The following RNF144B variants were observed in gnomAD, a reference collection of about 807,000 sequenced individuals.
RNF144B encodes the protein ring finger protein 144B.
A neutral mutation model predicts 40.2 loss-of-function variants in RNF144B; 25 were observed. The observed-to-expected ratio is 0.62, with a 90% confidence interval of 0.45 to 0.87. The LOEUF (loss-of-function observed/expected upper bound fraction) is 0.87. Ranked by LOEUF, RNF144B falls within the 40% of genes least tolerant of loss-of-function variation. The pLI is 0.00. For missense variants in RNF144B, 365 were observed against 373.7 expected (o/e 0.98, Z 0.19); for synonymous variants, 145 against 136.3 (o/e 1.06, Z -0.44).
chr6:18,446,840 G>GGTGTGTGTGTGTGTGTGTGTGTGTGTGT lies in RNF144B; in HGVS notation c.331+7103_331+7130dup, dbSNP rs70974744. Among the ~76,000 whole-genome samples, 1 of 147,892 alleles carries GGTGTGTGTGTGTGTGTGTGTGTGTGTGT rather than the reference G, an allele frequency of 6.8e-6. No individual in the cohort carries two copies. The highest frequency in any genetic ancestry group is 2.5e-5 in the African/African-American group (1 of 39,894). ...TAAAGTTTTATTGGTTCTATTTTAG[G>GGTGTGTGTGTGTGTGTGTGTGTGTGTGT]GTGTGTGTGTGTGTGTGTGTGTGTG... On this transcript the variant is annotated intron_variant, in intron 4 of 7. Coordinates refer to ENST00000259939, the MANE Select transcript of RNF144B (RefSeq NM_182757.4). This position sits in a 1 kb window ranked among gnomAD's most constrained non-coding sequence, Gnocchi z 4.7.
chr6:18,419,740 A>G lies in RNF144B; in HGVS notation c.166-7841A>G, dbSNP rs1795218615. 6.6e-6 allele frequency among the ~76,000 whole-genome samples: 1 copy of G among 152,160 alleles called. No homozygotes were observed. Among genetic ancestry groups the G allele is most frequent in the Admixed American group, 6.6e-5 (1 of 15,262 alleles). ...GATTGGTGAAGGAGTGAGGGAAGAC[A>G]ACTCTTTCAAACATTTGATTGTGAA... On this transcript the variant is annotated intron_variant, in intron 2 of 7. Coordinates refer to ENST00000259939, the MANE Select transcript of RNF144B (RefSeq NM_182757.4). The surrounding 1 kb of genome is among the most constrained non-coding windows in gnomAD (Gnocchi z 4.6).
intron 2 of RNF144B, among the ~76,000 whole-genome samples, chr6:18,426,262 A>G (rs936812041): frequency 5.3e-5 from 8 of 152,224 alleles, no homozygotes; most frequent in African/African-American, 1.9e-4. Flanking sequence ...CCACTTTGTA[A>G]GAGTCGTTGC....
At position 18,387,512 on chromosome 6, in the gene RNF144B, A is replaced by C; in HGVS notation, c.-155A>C. 1 of 1,312,864 alleles carries C rather than the reference A, an allele frequency of 7.6e-7. No individual in the cohort carries two copies. Among genetic ancestry groups the C allele is most frequent in the Non-Finnish European group, 1.0e-6 (1 of 1,002,660 alleles). The allele number at this position is 1,312,864 out of a possible 1,614,324, so 81.3% of individuals were successfully genotyped here. ...TAAAGCTGTCAGCCGCAGAGCACGGAGGAAAGACGGAGAGAATGGAAGAGC... is the reference window on the plus strand; with the variant it reads ...TAAAGCTGTCAGCCGCAGAGCACGGCGGAAAGACGGAGAGAATGGAAGAGC... On this transcript the variant is annotated 5_prime_UTR_variant, in exon 1 of 8. Transcript: ENST00000259939.
At chr6:18,392,836 C>T (rs1395087365) in intron 1 of RNF144B, among the ~76,000 whole-genome samples, 2 of 152,046 alleles carry the variant, frequency 1.3e-5, no homozygotes, top group Non-Finnish European at 2.9e-5. Flanking sequence ...ATAATGACAA[C>T]TTATGTGTAA....
At chr6:18,407,978 C>CTTTTTT (rs869172320) in intron 2 of RNF144B, among the ~76,000 whole-genome samples, 1 of 82,970 alleles carries the variant, frequency 1.2e-5, no homozygotes, top group African/African-American at 4.4e-5. Flanking sequence ...TTCTTTCTTT[C>CTTTTTT]TTTTTCTTTT....
rs570681471 is a variant in RNF144B, at chr6:18,443,168, T to C, written c.331+3424T>C. ...ATCTTACTGTCATAAAGTATTGCAG[T>C]GTATTAAATTTAGTGGCCTTTTGAT... On this transcript the variant is annotated intron_variant, in intron 4 of 7. Transcript: ENST00000259939. The surrounding 1 kb of genome is among the most constrained non-coding windows in gnomAD (Gnocchi z 4.7). 6.6e-6 allele frequency among the ~76,000 whole-genome samples: 1 copy of C among 152,230 alleles called. No homozygotes were observed. Among genetic ancestry groups the C allele is most frequent in the Non-Finnish European group, 1.5e-5 (1 of 68,044 alleles).
rs1795007482 is a variant in RNF144B at position 18,410,284 on chromosome 6, A to C, written c.165+10585A>C. 6.6e-6 allele frequency among the ~76,000 whole-genome samples: 1 copy of C among 152,156 alleles called. No homozygotes were observed. Among genetic ancestry groups the C allele is most frequent in the African/African-American group, 2.4e-5 (1 of 41,422 alleles). ...AGACTCTACTGATCCATTTGGTACT[A>C]GTGTGTGCCAGGCATGGTGTTAATT... On this transcript the variant is annotated intron_variant, in intron 2 of 7. Coordinates refer to ENST00000259939, the MANE Select transcript of RNF144B (RefSeq NM_182757.4). The surrounding 1 kb of genome is among the most constrained non-coding windows in gnomAD (Gnocchi z 4.6).
chr6:18,392,645 C>G (rs546093982), intron 1 of RNF144B, among the ~76,000 whole-genome samples: 1 of 152,070 alleles, frequency 6.6e-6, no homozygotes, highest in Non-Finnish European at 1.5e-5. Flanking sequence ...GCACTTTAAG[C>G]CATGAAACAG....
intron 2 of RNF144B, among the ~76,000 whole-genome samples, chr6:18,404,995 A>G (rs1006967998): frequency 3.3e-5 from 5 of 152,190 alleles, no homozygotes; most frequent in African/African-American, 1.2e-4. Flanking sequence ...AGACCTGCCA[A>G]CCTTTCCCAA....
At position 18,418,247 on chromosome 6, in the gene RNF144B, C is replaced by T. The variant is rs146519581; in HGVS notation, c.166-9334C>T. Among the ~76,000 whole-genome samples the T allele has an allele frequency of 9.1e-3, 1,381 of 152,196 alleles. 9 individuals carry two copies. Among genetic ancestry groups the T allele is most frequent in the Non-Finnish European group, 0.016 (1,081 of 68,002 alleles). The stretch of plus-strand genomic sequence containing the variant: ...CTCCTAGGTAAATATCCAAGAGAAA[C>T]GAAAATGTATGTCCACATGAAAACT... On this transcript the variant is annotated intron_variant, in intron 2 of 7. Coordinates refer to ENST00000259939, the MANE Select transcript of RNF144B (RefSeq NM_182757.4). This position sits in a 1 kb window ranked among gnomAD's most constrained non-coding sequence, Gnocchi z 5.2.
At chr6:18,389,071 G>A (rs754486727) in intron 1 of RNF144B, among the ~76,000 whole-genome samples, 1 of 151,980 alleles carries the variant, frequency 6.6e-6, no homozygotes, top group African/African-American at 2.4e-5. Flanking sequence ...GCTGGAAGTC[G>A]GGCTTGAGTG....
rs71536790 is a variant in RNF144B, at chr6:18,405,150, T to TTTATTATTATTATTATTATTA, written c.165+5457_165+5477dup. 3.7e-4 allele frequency among the ~76,000 whole-genome samples: 54 copies of TTTATTATTATTATTATTATTA among 146,240 alleles called. No homozygotes were observed. Among genetic ancestry groups the TTTATTATTATTATTATTATTA allele is most frequent in the African/African-American group, 1.2e-3 (46 of 39,848 alleles). On this transcript the variant is annotated intron_variant, in intron 2 of 7. Coordinates refer to ENST00000259939, the MANE Select transcript of RNF144B (RefSeq NM_182757.4). This position sits in a 1 kb window ranked among gnomAD's most constrained non-coding sequence, Gnocchi z 4.5. ...CTTGCTTGCAAGGTTAGTTTTTTTC[T>TTTATTATTATTATTATTATTA]TTATTATTATTATTATTATTATTAT...
intron 3 of RNF144B, among the ~76,000 whole-genome samples, chr6:18,438,767 A>G (rs1336050378): frequency 1.3e-5 from 2 of 152,110 alleles, no homozygotes; most frequent in Non-Finnish European, 2.9e-5. Context: ...TTAGAGTTGG[A>G]GTTGTCAGGG....
chr6:18,404,276 A>G (rs1001595711), intron 2 of RNF144B, among the ~76,000 whole-genome samples: 2 of 152,222 alleles, frequency 1.3e-5, no homozygotes, highest in Admixed American at 6.5e-5. Flanking sequence ...TCTCCCTTGC[A>G]GTATAGCATA....
intron 2 of RNF144B, among the ~76,000 whole-genome samples, chr6:18,413,511 A>G (rs1414292152): frequency 1.3e-5 from 2 of 152,220 alleles, no homozygotes; most frequent in Admixed American, 1.3e-4. Flanking sequence ...GATTTCGGGT[A>G]AGTTATTTGA....
At chr6:18,436,952 A>G (rs1212131495) in intron 3 of RNF144B, among the ~76,000 whole-genome samples, 1 of 152,018 alleles carries the variant, frequency 6.6e-6, no homozygotes, top group Non-Finnish European at 1.5e-5. Context: ...TATAATAGAA[A>G]TATTTCAGAA....
At chr6:18,438,973 G>C (rs1198454025) in intron 3 of RNF144B, among the ~76,000 whole-genome samples, 1 of 152,138 alleles carries the variant, frequency 6.6e-6, no homozygotes, top group East Asian at 1.9e-4. Flanking sequence ...AGAGCAGTTA[G>C]CTTTTCCTGC....
intron 2 of RNF144B, among the ~76,000 whole-genome samples, chr6:18,421,132 G>A (rs1758406034): frequency 6.6e-6 from 1 of 151,656 alleles, no homozygotes; most frequent in South Asian, 2.1e-4. Flanking sequence ...GCGCACCTGT[G>A]GTCCCAGCTA....
rs1435859673 is a variant in RNF144B at position 18,459,502 on chromosome 6, A to C, written c.537-105A>C. The C allele has an allele frequency of 3.5e-6, 4 of 1,146,702 alleles. No homozygotes were observed. The African/African-American group carries it at 6.2e-5, about 18-fold the overall frequency. 71.0% of individuals were successfully genotyped at this position (1,146,702 alleles called of 1,614,324 possible). ...CCCACACCCTTTCTTTTGGAAGTGA[A>C]TTAAGCATGGATAACTGTGAGTTCA... On this transcript the variant is annotated intron_variant, in intron 5 of 7. Coordinates refer to ENST00000259939, the MANE Select transcript of RNF144B (RefSeq NM_182757.4). The surrounding 1 kb of genome is among the most constrained non-coding windows in gnomAD (Gnocchi z 4.2).
Sources: allele counts gnomAD v4.1 joint callset (sites outside exome capture counted in the v4.1 genomes callset), GRCh38; gene constraint gnomAD v4.1.1; non-coding constraint Gnocchi (gnomAD v3.1); transcripts MANE v1.5; gene names NCBI Gene and HGNC (gene_info 2026-07-23, HGNC 2026-07-21).